Variants in DMD observed in about 807,000 individuals in gnomAD.
DMD encodes dystrophin.
Under a neutral mutation model 330.1 loss-of-function variants are expected in DMD, and 63 were observed. The observed-to-expected ratio is 0.19, with a 90% CI of 0.16 to 0.24. The LOEUF is 0.24. DMD is among the 10% of genes least tolerant of loss of function. The pLI, the probability that DMD is intolerant of heterozygous loss-of-function variation, is 1.00. For synonymous variants in DMD, 1,223 were observed against 959.8 expected, an observed-to-expected ratio of 1.27 and a Z score of -5.07; for missense variants, 3,344 against 2,684.1, an observed-to-expected ratio of 1.25 and a Z score of -5.43.
At position 32,969,267 on chromosome X, in the gene DMD, C is replaced by A. The variant is rs1417187384; in HGVS notation, c.93+50872G>T. 3.0e-5 allele frequency among the ~76,000 whole-genome samples: 2 copies of A among 67,493 alleles called. 1 individual carries two copies. Among genetic ancestry groups the A allele is most frequent in the African/African-American group, 1.9e-4 (2 of 10,686 alleles). 58.6% of individuals were successfully genotyped at this position (67,493 alleles called of 115,157 possible). ...TATAGCCACCACCCATATATGTACA[C>A]ACACACAGTTTATCAATTTTTGAAG... is the stretch of plus-strand genomic sequence containing the variant. On this transcript the variant is annotated intron_variant, in intron 2 of 78. Transcript: ENST00000357033.
intron 1 of DMD, among the ~76,000 whole-genome samples, chrX:33,049,304 T>C (rs1035437581): frequency 6.3e-5 from 7 of 111,745 alleles, no homozygotes; most frequent in Non-Finnish European, 1.9e-5. Context: ...CACCACTCAA[T>C]TGACGTCACA....
intron 49 of DMD, among the ~76,000 whole-genome samples, chrX:31,821,234 C>A (rs2092749708): frequency 8.9e-6 from 1 of 112,915 alleles, no homozygotes; most frequent in Non-Finnish European, 1.9e-5. Flanking sequence ...TCAACAGAAT[C>A]ACCTGGAGAC....
intron 44 of DMD, among the ~76,000 whole-genome samples, chrX:32,084,556 T>C (rs2096416855): frequency 8.9e-6 from 1 of 112,089 alleles, no homozygotes; most frequent in African/African-American, 3.2e-5. Context: ...ACTAAAATAA[T>C]TATTTGGGAT....
intron 43 of DMD, among the ~76,000 whole-genome samples, chrX:32,277,365 A>C (rs1274597113): frequency 1.8e-5 from 2 of 111,752 alleles, no homozygotes; most frequent in Non-Finnish European, 3.8e-5. Flanking sequence ...CAATACAATA[A>C]CAGCAGGAGC....
intron 9 of DMD, among the ~76,000 whole-genome samples, chrX:32,653,603 C>CT (rs2060332192): frequency 8.9e-6 from 1 of 111,885 alleles, no homozygotes; most frequent in Non-Finnish European, 1.9e-5. Context: ...ATACCTCCAG[C>CT]TTTGTTCTTT....
At chrX:32,525,565 G>A (rs1326432368) in intron 17 of DMD, among the ~76,000 whole-genome samples, 2 of 111,609 alleles carry the variant, frequency 1.8e-5, no homozygotes, top group Non-Finnish European at 3.8e-5. Context: ...GCAATTGCAC[G>A]TTTATTTTAT....
intron 25 of DMD, among the ~76,000 whole-genome samples, chrX:32,461,313 C>T (rs1030066359): frequency 3.6e-5 from 4 of 111,144 alleles, no homozygotes; most frequent in East Asian, 2.8e-4. Context: ...TTTACCGCAT[C>T]GTCTTCTTCT....
intron 44 of DMD, chrX:32,206,062 T>C (rs1353656798): frequency 7.8e-6 from 4 of 514,336 alleles, no homozygotes; most frequent in Non-Finnish European, 1.4e-5. Flanking sequence ...AAATTGCACA[T>C]TGTTGAAGCA....
chrX:32,795,367 G>A (rs1419524314), intron 7 of DMD, among the ~76,000 whole-genome samples: 1 of 111,945 alleles, frequency 8.9e-6, no homozygotes, highest in Non-Finnish European at 1.9e-5. Context: ...CATGCATTAG[G>A]GGGAAGGACA....
At chrX:31,926,159 TCCCCA>T (rs199582895) in intron 47 of DMD, among the ~76,000 whole-genome samples, 8,501 of 110,833 alleles carry the variant, frequency 0.077, 228 homozygotes, top group African/African-American at 0.08. Context: ...TTTAATAACA[TCCCCA>T]CTTTGTGGCT....
chrX:31,154,712 G>T (rs2037897468), intron 74 of DMD, among the ~76,000 whole-genome samples: 1 of 111,290 alleles, frequency 9.0e-6, no homozygotes, highest in Non-Finnish European at 1.9e-5. Context: ...TTCTCTAATT[G>T]TTAGAATGTA....
At chrX:31,879,301 T>A (rs2094021782) in intron 47 of DMD, among the ~76,000 whole-genome samples, 1 of 108,715 alleles carries the variant, frequency 9.2e-6, no homozygotes, top group African/African-American at 3.3e-5. Context: ...TCAGGGGAAC[T>A]CACATTTATA....
chrX:32,127,489 G>A (rs1005527490), intron 44 of DMD, among the ~76,000 whole-genome samples: 4 of 110,924 alleles, frequency 3.6e-5, no homozygotes, highest in East Asian at 5.7e-4. Context: ...ACACTGTCCA[G>A]CCCTTTGTAC....
At chrX:32,227,778 G>A (rs1216550951) in intron 43 of DMD, among the ~76,000 whole-genome samples, 1 of 110,973 alleles carries the variant, frequency 9.0e-6, no homozygotes, top group African/African-American at 3.3e-5. Flanking sequence ...AACAATTCAG[G>A]TTATCACTAA....
At chrX:32,276,082 TG>T (rs761079323) in intron 43 of DMD, among the ~76,000 whole-genome samples, 9 of 112,094 alleles carry the variant, frequency 8.0e-5, no homozygotes, top group South Asian at 3.7e-4. Flanking sequence ...GTACAGCTAC[TG>T]GGGGACTTTA....
At chrX:33,228,851 T>C (rs979300169) in intron 1 of DMD, among the ~76,000 whole-genome samples, 1 of 110,287 alleles carries the variant, frequency 9.1e-6, no homozygotes, top group Non-Finnish European at 1.9e-5. Flanking sequence ...AGTGATCCCA[T>C]TTCTCCACAT....
intron 50 of DMD, among the ~76,000 whole-genome samples, chrX:31,807,870 C>T (rs367922612): frequency 1.6e-4 from 18 of 111,929 alleles, no homozygotes; most frequent in East Asian, 1.1e-3. Flanking sequence ...AAAAGACAGG[C>T]ATGAACTTTA....
chrX:31,412,507 G>A (rs2733465), intron 60 of DMD, among the ~76,000 whole-genome samples: 31,551 of 111,053 alleles, frequency 0.28, 3,720 homozygotes, highest in African/African-American at 0.46. Flanking sequence ...AACACTGCTG[G>A]CACACGCCCT....
At chrX:31,217,963 T>G (rs770619441) in intron 64 of DMD, among the ~76,000 whole-genome samples, 33 of 111,952 alleles carry the variant, frequency 2.9e-4, no homozygotes, top group Non-Finnish European at 5.5e-4. Flanking sequence ...TTTAAAGAAA[T>G]TATTCTACAT....
Sources: allele counts gnomAD v4.1 joint callset (sites outside exome capture counted in the v4.1 genomes callset), GRCh38; gene constraint gnomAD v4.1.1; transcripts MANE v1.5; gene names NCBI Gene and HGNC (gene_info 2026-07-23, HGNC 2026-07-21).